The following SLC35B3 variants were observed in gnomAD, a reference collection of about 807,000 sequenced individuals.
SLC35B3 encodes solute carrier family 35 member B3.
Under a neutral mutation model 44.1 loss-of-function variants are expected in SLC35B3, and 35 were observed. The ratio of observed to expected loss-of-function variants is 0.79; its 90% CI spans 0.61 to 1.05. The LOEUF is 1.05. Ranked by LOEUF, SLC35B3 falls within the 50% of genes least tolerant of loss-of-function variation. The probability of loss-of-function intolerance (pLI) is 0.00; values close to 1 mark genes in which losing one functional copy is unlikely to be tolerated. For missense variants in SLC35B3, 414 were observed against 476.4 expected (o/e 0.87, Z 1.22); for synonymous variants, 146 against 167.3 (o/e 0.87, Z 0.98).
rs1469846422 is a variant in SLC35B3 at position 8,414,893 on chromosome 6, TTAAG to T, written c.1055+11_1055+14del. 1.4e-6 allele frequency: 2 copies of T among 1,478,052 alleles called. No individual in the cohort carries two copies. The highest frequency in any genetic ancestry group is 9.3e-7 in the Non-Finnish European group (1 of 1,074,342). 91.6% of individuals were successfully genotyped at this position (1,478,052 alleles called of 1,614,324 possible). On this transcript the variant is annotated intron_variant, in intron 10 of 10. Transcript: ENST00000644923. ...CTAAAAACTGAGAAAAATTGTTTAA[TTAAG>T]AAGTACTTACTGAAACGTGAATGGT...
In SLC35B3 at chr6:8,435,187, C is replaced by T. The variant is rs1229260060; in HGVS notation, c.-44+156G>A. On this transcript the variant is annotated intron_variant, in intron 1 of 10. Transcript: ENST00000644923. This position sits in a 1 kb window ranked among gnomAD's most constrained non-coding sequence, Gnocchi z 5.5. ...CTGGAAACCGCCCGGCCGGTTTCCG[C>T]TCTTTCAAAAAAGGGAATCACCCGT... is the stretch of plus-strand genomic sequence containing the variant. 4 of 1,288,278 alleles carry T rather than the reference C, an allele frequency of 3.1e-6. No individual in the cohort carries two copies. Among genetic ancestry groups the T allele is most frequent in the South Asian group, 1.2e-5 (1 of 80,994 alleles). 79.8% of individuals were successfully genotyped at this position (1,288,278 alleles called of 1,614,324 possible).
At chr6:8,416,809 C>A in intron 9 of SLC35B3, 75 bp downstream of exon 8, 1 of 638,562 alleles carries the variant, frequency 1.6e-6, no homozygotes, top group Non-Finnish European at 2.6e-6. Context: ...AGATGTTGCC[C>A]TTATGTTTTG....
At chr6:8,422,648 C>G (rs755227243) in intron 4 of SLC35B3, 24 bp from the exon 4 acceptor site, 18 of 1,588,534 alleles carry the variant, frequency 1.1e-5, no homozygotes, top group Non-Finnish European at 1.4e-5. Context: ...TTTTTAAAAC[C>G]TTCATTTTGG....
At chr6:8,414,239 A>G (rs1334658825) in intron 10 of SLC35B3, among the ~76,000 whole-genome samples, 1 of 152,294 alleles carries the variant, frequency 6.6e-6, no homozygotes, top group East Asian at 1.9e-4. Context: ...AATAATCTGT[A>G]ATATATTGAT....
intron 2 of SLC35B3, among the ~76,000 whole-genome samples, chr6:8,430,652 G>C (rs1763883280): frequency 6.6e-6 from 1 of 152,148 alleles, no homozygotes. Flanking sequence ...GGCTGAAGCA[G>C]AGAGGTTGCT....
At chr6:8,431,244 T>G (rs1763957144) in intron 2 of SLC35B3, among the ~76,000 whole-genome samples, 1 of 152,194 alleles carries the variant, frequency 6.6e-6, no homozygotes, top group South Asian at 2.1e-4. Flanking sequence ...AAAAAGTTAT[T>G]TTCTTAGAAA....
intron 9 of SLC35B3, among the ~76,000 whole-genome samples, chr6:8,415,913 T>C (rs1762375441): frequency 6.6e-6 from 1 of 152,130 alleles, no homozygotes; most frequent in African/African-American, 2.4e-5. Flanking sequence ...TCCCACTGCA[T>C]AGCATGAGGA....
intron 9 of SLC35B3, among the ~76,000 whole-genome samples, chr6:8,416,194 G>A (rs1483650010): frequency 2.0e-5 from 3 of 152,180 alleles, no homozygotes; most frequent in Non-Finnish European, 2.9e-5. Context: ...CTAGGGCTAT[G>A]TATGCATTAG....
Position 8,433,231 on chromosome 6 carries a change from C to T in SLC35B3, c.3+1154G>A, listed in dbSNP as rs922574765. Among the ~76,000 whole-genome samples the T allele has an allele frequency of 1.3e-5, 2 of 152,176 alleles. No homozygotes were observed. The highest frequency in any genetic ancestry group is 2.9e-5 in the Non-Finnish European group (2 of 68,036). ...ATTCTTCCCTTTCTGACCCATCTGTCACATGGCTCAACGTGAAGTCTGATC... is the reference window on the plus strand; with the variant it reads ...ATTCTTCCCTTTCTGACCCATCTGTTACATGGCTCAACGTGAAGTCTGATC... On this transcript the variant is annotated intron_variant, in intron 2 of 10. Coordinates refer to ENST00000644923, the MANE Select transcript of SLC35B3 (RefSeq NM_001370476.2). The surrounding 1 kb of genome is among the most constrained non-coding windows in gnomAD (Gnocchi z 4.1).
chr6:8,430,219 T>C, intron 2 of SLC35B3, 62 bp from the exon 2 acceptor site: 2 of 1,360,120 alleles, frequency 1.5e-6, no homozygotes. Flanking sequence ...CCAAATAATA[T>C]TCCAAATCAT....
chr6:8,427,608 T>C (rs962639835), intron 4 of SLC35B3, among the ~76,000 whole-genome samples: 7 of 152,220 alleles, frequency 4.6e-5, no homozygotes, highest in African/African-American at 1.7e-4. Context: ...ACTGTGATGT[T>C]AGTTGTACTA....
rs1762744980 is a variant in SLC35B3 at position 8,419,903 on chromosome 6, A to G, written c.683-226T>C. Among the ~76,000 whole-genome samples the G allele has an allele frequency of 6.6e-6, 1 of 152,138 alleles. No homozygotes were observed. Among genetic ancestry groups the G allele is most frequent in the African/African-American group, 2.4e-5 (1 of 41,450 alleles). On this transcript the variant is annotated intron_variant, in intron 6 of 10. Transcript: ENST00000644923. The surrounding 1 kb of genome is among the most constrained non-coding windows in gnomAD (Gnocchi z 4.3). ...AATAAACTGAGTTAGTTCTGTACAT[A>G]TCACATTTCACATTTCAATAGCGTA...
chr6:8,422,059 C>T (rs1762942073), intron 5 of SLC35B3, among the ~76,000 whole-genome samples: 1 of 152,144 alleles, frequency 6.6e-6, no homozygotes, highest in African/African-American at 2.4e-5. Context: ...GGCTGGAGTG[C>T]AGTGGTGTGA....
At chr6:8,431,016 A>G (rs1763933292) in intron 2 of SLC35B3, among the ~76,000 whole-genome samples, 1 of 152,194 alleles carries the variant, frequency 6.6e-6, no homozygotes. Flanking sequence ...CTCTTAGGTT[A>G]AAAAATGTTT....
intron 2 of SLC35B3, among the ~76,000 whole-genome samples, chr6:8,430,820 T>A (rs144083209): frequency 0.031 from 4,778 of 152,034 alleles, 262 homozygotes; most frequent in African/African-American, 0.11. Flanking sequence ...ATCACTTGAG[T>A]CCAGGAGTTT....
At chr6:8,417,090 G>T in intron 8 of SLC35B3, 95 bp from the exon 8 acceptor site, 1 of 652,432 alleles carries the variant, frequency 1.5e-6, no homozygotes, top group Non-Finnish European at 2.6e-6. Flanking sequence ...AACTTCTTGA[G>T]CAATAAGTTG....
Position 8,430,053 on chromosome 6 carries a change from C to A in SLC35B3, c.108G>T (p.Lys36Asn). 1 of 1,613,940 alleles carries A rather than the reference C, an allele frequency of 6.2e-7. No individual in the cohort carries two copies. Residue 36 changes from lysine to asparagine, a missense_variant, in exon 3 of 11, where the codon AAG (lysine) becomes AAT (asparagine). Physicochemically the swap from Lys to Asn is moderately conservative, Grantham distance 94. Coordinates refer to ENST00000644923, the MANE Select transcript of SLC35B3 (RefSeq NM_001370476.2). ...AAATATATTTCCTGGAATTGTTGAA[C>A]TTGAGATCCATTGTTATTTTGCTGC...
At chr6:8,422,032 T>G (rs1376255642) in intron 5 of SLC35B3, among the ~76,000 whole-genome samples, 1 of 152,144 alleles carries the variant, frequency 6.6e-6, no homozygotes. Flanking sequence ...TGAGATGGAG[T>G]CTCGCTCTGT....
In SLC35B3 at chr6:8,435,511, C is replaced by T; in HGVS notation, c.-212G>A. Reference sequence around the variant, plus strand: ...CGGTCGCCTCCCCGGAAAGCACTCTCAACTCCGGCGCCCGCAGGCCACTTC... The same window carrying T: ...CGGTCGCCTCCCCGGAAAGCACTCTTAACTCCGGCGCCCGCAGGCCACTTC... On this transcript the variant is annotated 5_prime_UTR_variant, in exon 1 of 11. Coordinates refer to ENST00000644923, the MANE Select transcript of SLC35B3 (RefSeq NM_001370476.2). The surrounding 1 kb of genome is among the most constrained non-coding windows in gnomAD (Gnocchi z 5.5). 1 of 657,278 alleles carries T rather than the reference C, an allele frequency of 1.5e-6. No homozygotes were observed. Among genetic ancestry groups the T allele is most frequent in the South Asian group, 1.7e-5 (1 of 58,320 alleles). The allele number at this position is 657,278 out of a possible 1,614,324, so 40.7% of individuals were successfully genotyped here. A position where few individuals can be genotyped will look rare whatever the true frequency, so the allele number is the denominator to read the frequency against.
Sources: gnomAD v4.1 joint callset for allele counts (sites outside exome capture counted in the v4.1 genomes callset) on GRCh38, gnomAD v4.1.1 for gene constraint, Gnocchi (gnomAD v3.1) non-coding constraint, MANE v1.5 for transcripts, NCBI Gene and HGNC (gene_info 2026-07-23, HGNC 2026-07-21) for gene names.